The following ZFPM2 variants were observed in gnomAD, a reference collection of about 807,000 sequenced individuals.
ZFPM2 encodes zinc finger protein ZFPM2.
In ZFPM2, 20 loss-of-function variants were observed where a neutral mutation model predicts 98.6. The ratio of observed to expected loss-of-function variants is 0.20; its 90% CI spans 0.14 to 0.29. The LOEUF is 0.29. Among genes scored for constraint, ZFPM2 ranks in the 10% least tolerant of loss-of-function variants. The pLI is 1.00. For missense variants in ZFPM2, 1,310 were observed against 1,388.6 expected (o/e 0.94, Z 0.90); for synonymous variants, 518 against 502.7 (o/e 1.03, Z -0.41).
intron 5 of ZFPM2, among the ~76,000 whole-genome samples, chr8:105,639,775 G>A (rs767574756): frequency 4.6e-5 from 7 of 151,996 alleles, no homozygotes; most frequent in Non-Finnish European, 8.8e-5. Flanking sequence ...CAAGCATATA[G>A]TGATATCGTA....
intron 4 of ZFPM2, among the ~76,000 whole-genome samples, chr8:105,573,832 G>A (rs1025243128): frequency 3.3e-5 from 5 of 151,994 alleles, no homozygotes; most frequent in Non-Finnish European, 5.9e-5. Context: ...CCCGTGATGG[G>A]GTCAGAACAG....
intron 3 of ZFPM2, among the ~76,000 whole-genome samples, chr8:105,504,193 C>T (rs1813651681): frequency 6.6e-6 from 1 of 152,124 alleles, no homozygotes; most frequent in Admixed American, 6.5e-5. Context: ...TAATTGCATA[C>T]AGGAAGACAG....
chr8:105,783,961 C>T (rs1019732216), intron 5 of ZFPM2, among the ~76,000 whole-genome samples: 20 of 152,096 alleles, frequency 1.3e-4, no homozygotes, highest in African/African-American at 4.3e-4. Flanking sequence ...GATAACTCAT[C>T]ATTTTGTACA....
intron 5 of ZFPM2, among the ~76,000 whole-genome samples, chr8:105,663,476 A>G (rs190201658): frequency 2.0e-5 from 3 of 152,364 alleles, no homozygotes; most frequent in Non-Finnish European, 1.5e-5. Flanking sequence ...CACATCCTGC[A>G]TGTAAAGTAG....
intron 5 of ZFPM2, among the ~76,000 whole-genome samples, chr8:105,772,714 G>A (rs1315096646): frequency 6.6e-6 from 1 of 152,248 alleles, no homozygotes; most frequent in Admixed American, 6.5e-5. Context: ...TGTGATGCAG[G>A]TTATGAATCC....
chr8:105,608,121 G>A (rs1279639085), intron 4 of ZFPM2, among the ~76,000 whole-genome samples: 3 of 152,080 alleles, frequency 2.0e-5, no homozygotes, highest in Non-Finnish European at 4.4e-5. Context: ...TTGTAAATGG[G>A]AGCTAAATAA....
intron 5 of ZFPM2, among the ~76,000 whole-genome samples, chr8:105,657,844 T>C (rs1227350071): frequency 1.3e-5 from 2 of 152,230 alleles, no homozygotes; most frequent in African/African-American, 2.4e-5. Context: ...TTTCCACCCA[T>C]GCATTTATTT....
chr8:105,319,494 T>A (rs1163053343), intron 1 of ZFPM2: 1 of 152,328 alleles, frequency 6.6e-6, no homozygotes, highest in Non-Finnish European at 1.5e-5. Flanking sequence ...GTCCCGATCC[T>A]GGGCGGTGCC....
intron 1 of ZFPM2, among the ~76,000 whole-genome samples, chr8:105,416,733 T>C (rs1303464669): frequency 6.6e-6 from 1 of 151,904 alleles, no homozygotes; most frequent in Non-Finnish European, 1.5e-5. Flanking sequence ...ATAATAGTAA[T>C]TATTTTATTT....
At chr8:105,758,988 G>C (rs1586243765) in intron 5 of ZFPM2, among the ~76,000 whole-genome samples, 1 of 152,040 alleles carries the variant, frequency 6.6e-6, no homozygotes, top group African/African-American at 2.4e-5. Flanking sequence ...CATTTGATAG[G>C]GGCTAGTTGG....
intron 1 of ZFPM2, among the ~76,000 whole-genome samples, chr8:105,332,118 C>T (rs1196789673): frequency 6.6e-6 from 1 of 151,700 alleles, no homozygotes; most frequent in Non-Finnish European, 1.5e-5. Flanking sequence ...AGCTGCCTGT[C>T]TTCCTGTTCT....
At chr8:105,586,462 G>A (rs774474240) in intron 4 of ZFPM2, among the ~76,000 whole-genome samples, 10 of 151,288 alleles carry the variant, frequency 6.6e-5, no homozygotes, top group East Asian at 3.9e-4. Flanking sequence ...TCATTCTGTC[G>A]CCCAGGCTGG....
intron 3 of ZFPM2, among the ~76,000 whole-genome samples, chr8:105,455,160 A>G (rs1482823495): frequency 6.6e-6 from 1 of 152,196 alleles, no homozygotes; most frequent in Admixed American, 6.5e-5. Flanking sequence ...CAAATATTCC[A>G]AAAATTTTTT....
chr8:105,793,232 C>T (rs1386661719), intron 6 of ZFPM2, among the ~76,000 whole-genome samples: 2 of 151,856 alleles, frequency 1.3e-5, no homozygotes, highest in Admixed American at 6.6e-5. Context: ...ACCAGTTGTT[C>T]CTTTCCATGT....
At chr8:105,681,366 C>T (rs1810596335) in intron 5 of ZFPM2, among the ~76,000 whole-genome samples, 1 of 152,072 alleles carries the variant, frequency 6.6e-6, no homozygotes, top group East Asian at 1.9e-4. Flanking sequence ...AAATTAGTTA[C>T]AAAGCATACC....
intron 5 of ZFPM2, among the ~76,000 whole-genome samples, chr8:105,779,188 TGATATTCC>T (rs1302864891): frequency 2.0e-5 from 3 of 152,332 alleles, no homozygotes; most frequent in Non-Finnish European, 4.4e-5. Flanking sequence ...AGTTTCACAC[TGATATTCC>T]TATCTATTGC....
chr8:105,786,654 T>C (rs1813424728), intron 5 of ZFPM2, among the ~76,000 whole-genome samples: 1 of 152,244 alleles, frequency 6.6e-6, no homozygotes. Flanking sequence ...AGTCATTTAA[T>C]GATGCACACA....
chr8:105,530,757 T>G (rs1181361777), intron 3 of ZFPM2, among the ~76,000 whole-genome samples: 1 of 152,132 alleles, frequency 6.6e-6, no homozygotes, highest in Non-Finnish European at 1.5e-5. Flanking sequence ...CTTCAACATA[T>G]GAATTTTGGA....
chr8:105,731,390 G>C lies in ZFPM2; in HGVS notation c.533-57328G>C, dbSNP rs373190449. ...AAGGTTAAAACTCTTGAAAATCAAC[G>C]AGAAGGAAGCATGCTATAATATCTG... On this transcript the variant is annotated intron_variant, in intron 5 of 7. Transcript: ENST00000407775. Among the ~76,000 whole-genome samples the C allele has an allele frequency of 2.2e-3, 331 of 151,612 alleles. 1 individual carries two copies. Among genetic ancestry groups the C allele is most frequent in the African/African-American group, 7.7e-3 (320 of 41,418 alleles).
Sources: allele counts gnomAD v4.1 joint callset (sites outside exome capture counted in the v4.1 genomes callset), GRCh38; gene constraint gnomAD v4.1.1; transcripts MANE v1.5; gene names NCBI Gene and HGNC (gene_info 2026-07-23, HGNC 2026-07-21).